Variants in INTS1 observed in about 807,000 individuals in gnomAD.
The protein encoded by INTS1 is integrator complex subunit 1.
A neutral mutation model predicts 241.6 loss-of-function variants in INTS1; 137 were observed. The observed-to-expected ratio is 0.57, with a 90% CI of 0.49 to 0.65. The LOEUF is 0.65. Ranked by LOEUF, INTS1 falls within the 30% of genes least tolerant of loss-of-function variation. INTS1 has a pLI of 0.00. For synonymous variants in INTS1, 1,692 were observed against 1,337.8 expected (o/e 1.26, Z -5.78); for missense variants, 3,073 against 3,032.2 (o/e 1.01, Z -0.32).
intron 33 of INTS1, 38 bp from the exon 34 acceptor site, chr7:1,477,974 G>A: frequency 6.3e-7 from 1 of 1,585,768 alleles, no homozygotes; most frequent in Non-Finnish European, 8.6e-7. Context: ...GTCACTCCCA[G>A]GTCGGGTGGG....
At chr7:1,478,946 G>A (rs1022452750) in intron 31 of INTS1, 61 bp from the exon 32 acceptor site, 216 of 1,528,662 alleles carry the variant, frequency 1.4e-4, no homozygotes, top group Middle Eastern at 9.1e-4. Context: ...CCCGGCACCC[G>A]AGGCCCAGAG....
chr7:1,503,860 C>A, intron 2 of INTS1, 43 bp downstream of exon 2: 1 of 1,463,484 alleles, frequency 6.8e-7, no homozygotes, highest in Non-Finnish European at 9.3e-7. Context: ...CCCCCAAAGA[C>A]CCCCAAAGAC....
chr7:1,481,193 AC>A lies in INTS1; in HGVS notation c.3850+148del. 1 of 939,268 alleles carries A rather than the reference AC, an allele frequency of 1.1e-6. No individual in the cohort carries two copies. Among genetic ancestry groups the A allele is most frequent in the Non-Finnish European group, 1.7e-6 (1 of 601,998 alleles). 58.2% of individuals were successfully genotyped at this position (939,268 alleles called of 1,614,324 possible). A position where few individuals can be genotyped will look rare whatever the true frequency, so the allele number is the denominator to read the frequency against. On this transcript the variant is annotated intron_variant, in intron 28 of 47. Transcript: ENST00000404767. The surrounding 1 kb of genome is among the most constrained non-coding windows in gnomAD (Gnocchi z 6.8). ...CCTCCTGACTGTGCCAGCCTCACCA[AC>A]CCACAGGTCTAAGCCTGCCCTCGAG...
chr7:1,471,410 G>A lies in INTS1; in HGVS notation c.6255+161C>T, dbSNP rs749597918. Among the ~76,000 whole-genome samples the A allele has an allele frequency of 9.8e-4, 149 of 152,192 alleles. 1 individual carries two copies. Among genetic ancestry groups the A allele is most frequent in the Non-Finnish European group, 1.9e-3 (129 of 68,014 alleles). On this transcript the variant is annotated intron_variant, in intron 45 of 47. Transcript: ENST00000404767. Reference sequence around the variant, plus strand: ...CTGAAGGCAGGCCTGCTCTGGCGGCGGCTTGACTGTGAACACCTGGGCTGG... The same window carrying A: ...CTGAAGGCAGGCCTGCTCTGGCGGCAGCTTGACTGTGAACACCTGGGCTGG...
At chr7:1,490,673 ACT>A (rs941231073) in intron 16 of INTS1, among the ~76,000 whole-genome samples, 12 of 152,354 alleles carry the variant, frequency 7.9e-5, no homozygotes, top group South Asian at 6.2e-4. Context: ...TGGATTCCAC[ACT>A]GTCTCCCTCG....
At position 1,499,323 on chromosome 7, in the gene INTS1, GTCC is replaced by G. The variant is rs762012900; in HGVS notation, c.879_881del (p.Glu293del). 93 of 1,602,902 alleles carry G rather than the reference GTCC, an allele frequency of 5.8e-5. No individual in the cohort carries two copies. The highest frequency in any genetic ancestry group is 7.1e-5 in the Non-Finnish European group (84 of 1,174,842). On this transcript the variant is annotated inframe_deletion, in exon 7 of 48. Transcript: ENST00000404767. ...CCGCGATCAGCAACTCCGTCTGGCT[GTCC>G]TCCTCCTCCGTGAGGGAGGGGTGTG...
chr7:1,500,609 T>C (rs1247941068), intron 3 of INTS1, among the ~76,000 whole-genome samples: 1 of 152,234 alleles, frequency 6.6e-6, no homozygotes, highest in African/African-American at 2.4e-5. Flanking sequence ...CTGGCTCCGC[T>C]GTGTCCCACA....
intron 26 of INTS1, 61 bp from the exon 27 acceptor site, chr7:1,482,768 G>A (rs969769814): frequency 1.2e-5 from 19 of 1,576,286 alleles, no homozygotes; most frequent in South Asian, 3.5e-5. Context: ...CCCAAGCACC[G>A]CTGGTGCCAA....
chr7:1,477,719 G>A, intron 34 of INTS1, 34 bp downstream of exon 34: 5 of 1,607,066 alleles, frequency 3.1e-6, no homozygotes, highest in Non-Finnish European at 4.2e-6. Flanking sequence ...CCACCCGCCT[G>A]CCCACCCTGG....
Position 1,492,977 on chromosome 7 carries a change from C to T in INTS1, c.2165+33G>A, listed in dbSNP as rs200423768. ...GTGGGGAGCGGGGCGCGGGCTTACC[C>T]GGGCGGGAGTGGGGAGCGGGGCGTG... On this transcript the variant is annotated intron_variant, in intron 16 of 47. Coordinates refer to ENST00000404767, the MANE Select transcript of INTS1 (RefSeq NM_001080453.3). 1.6e-4 allele frequency: 241 copies of T among 1,548,580 alleles called. No homozygotes were observed. Among genetic ancestry groups the T allele is most frequent in the Non-Finnish European group, 1.8e-4 (203 of 1,127,028 alleles).
At chr7:1,472,979 CGGACGGCCCAG>C (rs1781542556) in intron 43 of INTS1, 82 bp downstream of exon 43, 1 of 815,648 alleles carries the variant, frequency 1.2e-6, no homozygotes, top group Non-Finnish European at 1.9e-6. Context: ...CGGGACGCCT[CGGACGGCCCAG>C]GGCTGGCTGT....
intron 3 of INTS1, among the ~76,000 whole-genome samples, chr7:1,502,102 G>A (rs1277997938): frequency 2.6e-5 from 4 of 152,136 alleles, no homozygotes; most frequent in African/African-American, 4.8e-5. Flanking sequence ...GGTCCTGTCT[G>A]GCACAAAACT....
Position 1,493,844 on chromosome 7 carries a change from C to T in INTS1, c.1978G>A (p.Gly660Arg). 5 of 1,570,228 alleles carry T rather than the reference C, an allele frequency of 3.2e-6. No individual in the cohort carries two copies. Among genetic ancestry groups the T allele is most frequent in the Non-Finnish European group, 4.3e-6 (5 of 1,158,784 alleles). Residue 660 changes from glycine to arginine, a missense_variant, in exon 15 of 48, where the codon GGG (glycine) becomes AGG (arginine). By Grantham distance (125) the Gly-to-Arg change is moderately radical. Transcript: ENST00000404767. The surrounding 1 kb of genome is among the most constrained non-coding windows in gnomAD (Gnocchi z 5.3). ...EDTLMRILVI[G>R]LSRELPLGPA... ...CCGAGCGGGAGCTCCCGGGACAGCC[C>T]GATGACCAGGATGCGCATCAGCGTG... is the stretch of plus-strand genomic sequence containing the variant.
chr7:1,498,659 C>T, intron 9 of INTS1, 48 bp downstream of exon 9: 1 of 1,530,586 alleles, frequency 6.5e-7, no homozygotes, highest in Non-Finnish European at 8.8e-7. Flanking sequence ...CCCCCACCCA[C>T]ACCCCCACTC....
rs575924379 is a variant in INTS1 at position 1,483,749 on chromosome 7, C to A, written c.3534G>T (p.Pro1178=). 4.3e-6 allele frequency: 7 copies of A among 1,609,680 alleles called. No homozygotes were observed. In the African/African-American group the frequency reaches 6.7e-5, roughly 15 times the overall value. The part of the protein sequence containing the change: ...HAMVILLTLG[P]PRADDSEFQA... ...GGGCCTGTGGCGGCTCACCTCGAGG[C>A]GGGCCCAGCGTCAGCAGGATCACCA... Residue 1178 remains proline, a synonymous_variant, in exon 26 of 48, where the codon CCG becomes CCT. Coordinates refer to ENST00000404767, the MANE Select transcript of INTS1 (RefSeq NM_001080453.3).
intron 33 of INTS1, 84 bp downstream of exon 33, chr7:1,478,282 C>G: frequency 6.2e-6 from 9 of 1,459,776 alleles, no homozygotes; most frequent in Non-Finnish European, 8.5e-6. Flanking sequence ...CACTGTCCGT[C>G]CCCCACTGGG....
rs758427450 is a variant in INTS1, at chr7:1,472,349, G to A, written c.6108C>T (p.Val2036=). 1.3e-6 allele frequency: 2 copies of A among 1,573,262 alleles called. No homozygotes were observed. Among genetic ancestry groups the A allele is most frequent in the Non-Finnish European group, 1.7e-6 (2 of 1,159,902 alleles). ...CCGCGGTCAGAGGGGTGAACAGGGA[G>A]ACGCTGACCAGGGGCAAGGAGCCGG... ...SSAGSLPLVS[V]SLFTPLTAAE... The change falls in exon 44 of 48, where the codon GTC becomes GTT. Residue 2036 remains valine (V), a synonymous_variant. Coordinates refer to ENST00000404767, the MANE Select transcript of INTS1 (RefSeq NM_001080453.3).
Position 1,474,697 on chromosome 7 carries a change from G to C in INTS1, c.5636+8C>G. ...TGTCTGGCGAGGGCAGGGCTTCTGG[G>C]ACAGCACCTGAGCAGCAGCAGCGGG... On this transcript the variant is annotated splice_region_variant and intron_variant, in intron 40 of 47. Coordinates refer to ENST00000404767, the MANE Select transcript of INTS1 (RefSeq NM_001080453.3). 6.4e-7 allele frequency: 1 copy of C among 1,556,916 alleles called. No homozygotes were observed. Among genetic ancestry groups the C allele is most frequent in the Middle Eastern group, 2.2e-4 (1 of 4,474 alleles).
At chr7:1,479,378 A>G in intron 31 of INTS1, 52 bp downstream of exon 31, 1 of 1,530,396 alleles carries the variant, frequency 6.5e-7, no homozygotes, top group Non-Finnish European at 8.8e-7. Flanking sequence ...GTCCTGCGGG[A>G]GGCAGAGCCC....
Sources: gnomAD v4.1 joint callset for allele counts (sites outside exome capture counted in the v4.1 genomes callset) on GRCh38, gnomAD v4.1.1 for gene constraint, Gnocchi (gnomAD v3.1) non-coding constraint, MANE v1.5 for transcripts, NCBI Gene and HGNC (gene_info 2026-07-23, HGNC 2026-07-21) for gene names.